Variants in DNM3 observed in about 807,000 individuals in gnomAD.
DNM3 encodes dynamin 3, also known as dynamin-3.
DNM3 carries 47 observed loss-of-function variants against 101.6 expected under a neutral mutation model. The ratio of observed to expected loss-of-function variants is 0.46; its 90% confidence interval spans 0.37 to 0.59. The LOEUF (loss-of-function observed/expected upper bound fraction) is 0.59. DNM3 is among the 20% of genes least tolerant of loss of function. The pLI, the probability that DNM3 is intolerant of heterozygous loss-of-function variation, is 0.00. For synonymous variants in DNM3, 385 were observed against 387.9 expected (o/e 0.99, Z 0.09); for missense variants, 849 against 1,085.7 (o/e 0.78, Z 3.06).
intron 4 of DNM3, among the ~76,000 whole-genome samples, chr1:172,023,268 T>C (rs1246074153): frequency 6.6e-6 from 1 of 152,196 alleles, no homozygotes; most frequent in Non-Finnish European, 1.5e-5. Context: ...GTTGTATTCC[T>C]GCTTCCTGGA....
intron 4 of DNM3, among the ~76,000 whole-genome samples, chr1:172,020,458 C>T (rs555983570): frequency 6.6e-6 from 1 of 152,190 alleles, no homozygotes; most frequent in African/African-American, 2.4e-5. Context: ...CGGTGGCTCA[C>T]GCCTGTAATC....
chr1:172,160,573 C>T (rs2058511683), intron 14 of DNM3, among the ~76,000 whole-genome samples: 1 of 151,910 alleles, frequency 6.6e-6, no homozygotes, highest in Non-Finnish European at 1.5e-5. Flanking sequence ...TCTTCGGTGG[C>T]AGTAACATGC....
At chr1:172,244,415 G>A (rs1305747382) in intron 14 of DNM3, among the ~76,000 whole-genome samples, 3 of 151,840 alleles carry the variant, frequency 2.0e-5, no homozygotes, top group Non-Finnish European at 4.4e-5. Flanking sequence ...GAGTGAACAG[G>A]CAACCTACAA....
intron 12 of DNM3, among the ~76,000 whole-genome samples, chr1:172,089,378 A>G (rs1377371467): frequency 1.3e-5 from 2 of 152,236 alleles, no homozygotes; most frequent in African/African-American, 4.8e-5. Flanking sequence ...TTCAGAGTTA[A>G]TTGGTTAAGT....
At chr1:171,887,204 T>C (rs1366751098) in intron 1 of DNM3, among the ~76,000 whole-genome samples, 1 of 152,118 alleles carries the variant, frequency 6.6e-6, no homozygotes, top group Non-Finnish European at 1.5e-5. Flanking sequence ...ATTATAGAAA[T>C]AGAGGAATTT....
In DNM3 at chr1:172,095,469, G is replaced by T. The variant is rs116129057; in HGVS notation, c.1545+2594G>T. Reference sequence around the variant, plus strand: ...AATATATTTTAAAGGATCTTCAGTAGTTCTTCCTACTTAGCAGAAATAAAC... The same window carrying T: ...AATATATTTTAAAGGATCTTCAGTATTTCTTCCTACTTAGCAGAAATAAAC... On this transcript the variant is annotated intron_variant, in intron 13 of 20. Transcript: ENST00000627582. 7.1e-3 allele frequency among the ~76,000 whole-genome samples: 1,081 copies of T among 152,242 alleles called. 15 individuals carry two copies. The highest frequency in any genetic ancestry group is 0.025 in the African/African-American group (1,024 of 41,538).
intron 12 of DNM3, among the ~76,000 whole-genome samples, chr1:172,090,569 T>TA (rs1317572526): frequency 1.1e-4 from 17 of 152,042 alleles, no homozygotes; most frequent in Admixed American, 2.0e-4. Context: ...GCTGGAAAAA[T>TA]AAAAAACAAG....
intron 1 of DNM3, among the ~76,000 whole-genome samples, chr1:171,901,835 G>A (rs976232958): frequency 2.6e-5 from 4 of 152,164 alleles, no homozygotes; most frequent in African/African-American, 4.8e-5. Flanking sequence ...CAATTAAAGT[G>A]CTAGCTGGGA....
rs1479761202 is a variant in DNM3 at position 171,934,020 on chromosome 1, ATTAG to A, written c.235+12202_235+12205del. Among the ~76,000 whole-genome samples, 4 of 152,330 alleles carry A rather than the reference ATTAG, an allele frequency of 2.6e-5. No homozygotes were observed. In the East Asian group the frequency reaches 5.8e-4, roughly 22 times the overall value. ...GTAATCATTTTCTCTTCTCATTTCC[ATTAG>A]TTCTGTCTCTCATTCCTCTTCAAAG... On this transcript the variant is annotated intron_variant, in intron 2 of 20. Coordinates refer to ENST00000627582, the MANE Select transcript of DNM3 (RefSeq NM_015569.5).
At chr1:171,986,696 T>A (rs909169519) in intron 2 of DNM3, among the ~76,000 whole-genome samples, 2 of 151,566 alleles carry the variant, frequency 1.3e-5, no homozygotes, top group Non-Finnish European at 2.9e-5. Context: ...AGTGGCATGA[T>A]CACAGCTCAC....
chr1:172,025,863 A>G (rs906264853), intron 4 of DNM3, among the ~76,000 whole-genome samples: 1 of 152,158 alleles, frequency 6.6e-6, no homozygotes, highest in Non-Finnish European at 1.5e-5. Context: ...GCAGTGCAAA[A>G]AGGCTGAAAA....
At chr1:172,069,950 A>G (rs1194403988) in intron 11 of DNM3, among the ~76,000 whole-genome samples, 4 of 152,312 alleles carry the variant, frequency 2.6e-5, no homozygotes, top group Middle Eastern at 6.8e-3. Flanking sequence ...AGACACACAC[A>G]GCACACAGAG....
chr1:172,056,441 C>T lies in DNM3; in HGVS notation c.1335+7691C>T, dbSNP rs529553988. 2.3e-3 allele frequency among the ~76,000 whole-genome samples: 345 copies of T among 152,290 alleles called. 2 individuals carry two copies. The highest frequency in any genetic ancestry group is 3.6e-3 in the Non-Finnish European group (247 of 68,016). On this transcript the variant is annotated intron_variant, in intron 10 of 20. Coordinates refer to ENST00000627582, the MANE Select transcript of DNM3 (RefSeq NM_015569.5). ...GTAACCTCTGCAGACTTAAATGTCC[C>T]TGTCTGACAGCTTTGAAGAGAGCAG...
chr1:172,212,855 T>A (rs925607149), intron 14 of DNM3, among the ~76,000 whole-genome samples: 2 of 152,092 alleles, frequency 1.3e-5, no homozygotes, highest in Admixed American at 1.3e-4. Context: ...AGAGAGTGCT[T>A]TTTGACTGAT....
chr1:172,203,423 C>A (rs986468168), intron 14 of DNM3, among the ~76,000 whole-genome samples: 3 of 152,134 alleles, frequency 2.0e-5, no homozygotes, highest in African/African-American at 7.2e-5. Flanking sequence ...CGCTGAACTG[C>A]CCAAGCAGAT....
chr1:172,328,010 C>G lies in DNM3; in HGVS notation c.1893+4670C>G, dbSNP rs571745264. ...CAGTTTAATTGAGGGTAGAAAACTT[C>G]TAGAAGCAAATTGGAATCTATATTA... On this transcript the variant is annotated intron_variant, in intron 17 of 20. Coordinates refer to ENST00000627582, the MANE Select transcript of DNM3 (RefSeq NM_015569.5). Among the ~76,000 whole-genome samples the G allele has an allele frequency of 1.4e-4, 22 of 152,178 alleles. No homozygotes were observed. The East Asian group carries it at 3.5e-3, about 24-fold the overall frequency.
intron 15 of DNM3, among the ~76,000 whole-genome samples, chr1:172,294,787 C>T (rs967343138): frequency 4.2e-5 from 6 of 144,352 alleles, no homozygotes; most frequent in African/African-American, 1.6e-4. Flanking sequence ...GACTGCAAGG[C>T]TGTAGTCCCG....
chr1:171,973,331 GGCAATTTGTTTAACCTC>G (rs2044148947), intron 2 of DNM3, among the ~76,000 whole-genome samples: 2 of 152,100 alleles, frequency 1.3e-5, no homozygotes, highest in African/African-American at 2.4e-5. Flanking sequence ...TGTAACCTCA[GGCAATTTGTTTAACCTC>G]TTTGAGGCTA....
At chr1:172,382,156 G>C (rs1424948332) in intron 18 of DNM3, among the ~76,000 whole-genome samples, 1 of 152,134 alleles carries the variant, frequency 6.6e-6, no homozygotes, top group Non-Finnish European at 1.5e-5. Flanking sequence ...TGCAGCAGCT[G>C]TTTCATTACT....
Sources: gnomAD v4.1 joint callset for allele counts (sites outside exome capture counted in the v4.1 genomes callset) on GRCh38, gnomAD v4.1.1 for gene constraint, MANE v1.5 for transcripts, NCBI Gene and HGNC (gene_info 2026-07-23, HGNC 2026-07-21) for gene names.